The following YJU2 variants were observed in gnomAD, a reference collection of about 807,000 sequenced individuals.
The protein encoded by YJU2 is splicing factor YJU2.
In YJU2, 28 loss-of-function variants were observed where a neutral mutation model predicts 39.6. The observed-to-expected ratio is 0.71, with a 90% confidence interval of 0.52 to 0.97. The LOEUF is 0.97. Ranked by LOEUF, YJU2 falls within the 50% of genes least tolerant of loss-of-function variation. YJU2 has a pLI of 0.00. For synonymous variants in YJU2, 184 were observed against 182.4 expected (o/e 1.01, Z -0.07); for missense variants, 328 against 430.4 (o/e 0.76, Z 2.11).
intron 1 of YJU2, among the ~76,000 whole-genome samples, chr19:4,247,567 T>TGGGGGGGGGGG (rs1425966599): frequency 7.8e-5 from 1 of 12,860 alleles, no homozygotes; most frequent in Admixed American, 9.2e-4. Flanking sequence ...TTGGGTGGGG[T>TGGGGGGGGGGG]GGGGTGGGGT....
chr19:4,250,795 G>T (rs1411220675), intron 2 of YJU2, among the ~76,000 whole-genome samples: 1 of 152,094 alleles, frequency 6.6e-6, no homozygotes, highest in African/African-American at 2.4e-5. Context: ...TACTCAGGGG[G>T]CTTCCCAAGC....
intron 6 of YJU2, among the ~76,000 whole-genome samples, chr19:4,266,609 C>T (rs535851489): frequency 3.3e-5 from 5 of 152,276 alleles, no homozygotes; most frequent in African/African-American, 7.2e-5. Context: ...CCTCCCCACA[C>T]GGTGAGCTCC....
rs1353066792 is a variant in YJU2 at position 4,258,270 on chromosome 19, A to G, written c.434A>G (p.Lys145Arg). ...KVLENRTKDS[K>R]LEMEVLENLQ... ...CTGGAGAACCGGACCAAGGACTCCA[A>G]GCTGGAGATGGAGGTGCTGGAGAAC... Residue 145 changes from lysine (K) to arginine (R), a missense_variant, in exon 5 of 8, where the codon AAG (lysine) becomes AGG (arginine). Transcript: ENST00000262962. The G allele has an allele frequency of 1.3e-6, 2 of 1,556,012 alleles. No homozygotes were observed. The highest frequency in any genetic ancestry group is 1.7e-6 in the Non-Finnish European group (2 of 1,149,282).
chr19:4,260,509 G>A (rs1161732963), intron 5 of YJU2, among the ~76,000 whole-genome samples: 1 of 152,016 alleles, frequency 6.6e-6, no homozygotes, highest in Non-Finnish European at 1.5e-5. Context: ...GGCTGAAGTG[G>A]GCGTATCACC....
chr19:4,252,535 C>T (rs1599496956), intron 3 of YJU2, among the ~76,000 whole-genome samples: 1 of 152,022 alleles, frequency 6.6e-6, no homozygotes, highest in African/African-American at 2.4e-5. Flanking sequence ...ACCCAGGAGG[C>T]GGAGCTTGCA....
Position 4,267,957 on chromosome 19 carries a change from C to CT in YJU2, c.859+196dup, listed in dbSNP as rs1174345223. 3.7e-3 allele frequency among the ~76,000 whole-genome samples: 524 copies of CT among 142,998 alleles called. 1 individual carries two copies. Among genetic ancestry groups the CT allele is most frequent in the East Asian group, 0.025 (125 of 4,984 alleles). The allele number at this position is 142,998 out of a possible 152,430, so 93.8% of individuals were successfully genotyped here. A position where few individuals can be genotyped will look rare whatever the true frequency, so the allele number is the denominator to read the frequency against. On this transcript the variant is annotated intron_variant, in intron 7 of 7. Coordinates refer to ENST00000262962, the MANE Select transcript of YJU2 (RefSeq NM_018074.6). Reference sequence around the variant, plus strand: ...CTTCTTTTTTTCTTTTTTCTTTTTTCTTTTTTTTTTTTTGAGACAGAGTCT... The same window carrying CT: ...CTTCTTTTTTTCTTTTTTCTTTTTTCTTTTTTTTTTTTTTGAGACAGAGTCT...
intron 2 of YJU2, among the ~76,000 whole-genome samples, chr19:4,250,207 G>A (rs948290557): frequency 5.3e-5 from 8 of 152,236 alleles, no homozygotes; most frequent in Admixed American, 3.3e-4. Flanking sequence ...CGCACCTAAC[G>A]AGGAAAGAGA....
At chr19:4,247,214 C>A (rs763333909) in intron 1 of YJU2, 44 bp downstream of exon 1, 3 of 1,565,600 alleles carry the variant, frequency 1.9e-6, no homozygotes, top group East Asian at 2.3e-5. Context: ...AGCAGGACAT[C>A]CCGGAACTCC....
intron 5 of YJU2, among the ~76,000 whole-genome samples, chr19:4,260,491 C>G (rs1256968254): frequency 1.3e-5 from 2 of 151,860 alleles, no homozygotes; most frequent in African/African-American, 2.4e-5. Context: ...AATCCCAGCA[C>G]TTTGGGAGGC....
intron 6 of YJU2, among the ~76,000 whole-genome samples, chr19:4,267,362 T>C (rs1190203382): frequency 1.3e-5 from 2 of 152,056 alleles, no homozygotes; most frequent in Non-Finnish European, 2.9e-5. Flanking sequence ...GGGAATAGCA[T>C]GGGTAAAGGC....
chr19:4,248,010 G>A (rs1171455430), intron 1 of YJU2: 1 of 152,062 alleles, frequency 6.6e-6, no homozygotes, highest in Non-Finnish European at 1.5e-5. Context: ...GGGACTGCAG[G>A]CGCCCGCCAC....
Position 4,254,501 on chromosome 19 carries a change from G to T in YJU2, c.405+12G>T. On this transcript the variant is annotated intron_variant, in intron 4 of 7. Transcript: ENST00000262962. ...ACAACCCCATGAAGGTGAGTCGGGG[G>T]CCATGTAGGTGTTCATGGGCGCTGT... The T allele has an allele frequency of 6.4e-7, 1 of 1,573,096 alleles. No homozygotes were observed. Among genetic ancestry groups the T allele is most frequent in the African/African-American group, 1.4e-5 (1 of 74,044 alleles).
At chr19:4,249,349 C>T (rs372212873) in intron 2 of YJU2, 21 bp downstream of exon 2, 204 of 1,516,102 alleles carry the variant, frequency 1.3e-4, no homozygotes, top group Non-Finnish European at 1.8e-4. Context: ...CCTGCGTGAC[C>T]CCACACACCA....
At chr19:4,258,905 G>T (rs188497085) in intron 5 of YJU2, among the ~76,000 whole-genome samples, 23 of 152,086 alleles carry the variant, frequency 1.5e-4, no homozygotes, top group Non-Finnish European at 2.5e-4. Context: ...GAAAGCAGGG[G>T]TCACGCATAA....
intron 4 of YJU2, among the ~76,000 whole-genome samples, chr19:4,257,638 T>G (rs12461969): frequency 0.25 from 38,584 of 152,032 alleles, 4,998 homozygotes; most frequent in African/African-American, 0.3. Context: ...TACGCCCAGC[T>G]ACTTTTTGTA....
Position 4,268,958 on chromosome 19 carries a change from T to C in YJU2, c.*262T>C. On this transcript the variant is annotated 3_prime_UTR_variant, in exon 8 of 8. Transcript: ENST00000262962. The stretch of plus-strand genomic sequence containing the variant: ...TGTCACTGTGCTTAGGGCTGCAACA[T>C]CCCTGGAGCAGCTTCCAACACTACT... 2 of 481,562 alleles carry C rather than the reference T, an allele frequency of 4.2e-6. No homozygotes were observed. The highest frequency in any genetic ancestry group is 2.0e-5 in the African/African-American group (1 of 51,238). 29.8% of individuals were successfully genotyped at this position (481,562 alleles called of 1,614,324 possible).
intron 4 of YJU2, among the ~76,000 whole-genome samples, chr19:4,255,419 A>G (rs1402989438): frequency 6.6e-6 from 1 of 152,034 alleles, no homozygotes; most frequent in African/African-American, 2.4e-5. Context: ...CTCTGTCTCT[A>G]TAAAACATTA....
At chr19:4,258,573 G>A (rs1050442861) in intron 5 of YJU2, 150 bp downstream of exon 5, 112 of 1,298,444 alleles carry the variant, frequency 8.6e-5, no homozygotes, top group Middle Eastern at 8.2e-4. Flanking sequence ...CCCTTGTGGC[G>A]TCTCTCGAGG....
chr19:4,261,136 C>T (rs1180739216), intron 5 of YJU2, among the ~76,000 whole-genome samples: 1 of 152,140 alleles, frequency 6.6e-6, no homozygotes, highest in Non-Finnish European at 1.5e-5. Flanking sequence ...TTAAGCATTT[C>T]TCCTGCCTTG....
Sources: gnomAD v4.1 joint callset for allele counts (sites outside exome capture counted in the v4.1 genomes callset) on GRCh38, gnomAD v4.1.1 for gene constraint, MANE v1.5 for transcripts, NCBI Gene and HGNC (gene_info 2026-07-23, HGNC 2026-07-21) for gene names.